PCDH15: variants seen among roughly 807,000 people sequenced by gnomAD.
The protein encoded by PCDH15 is protocadherin related 15.
In PCDH15, 129 loss-of-function variants were observed where a neutral mutation model predicts 178.5. That is an observed-to-expected ratio of 0.72 (90% CI 0.63 to 0.84). The LOEUF (loss-of-function observed/expected upper bound fraction) is 0.84, where lower values mean the gene tolerates loss of function less well. Among genes scored for constraint, PCDH15 ranks in the 40% least tolerant of loss-of-function variants. PCDH15 has a pLI of 0.00. For synonymous variants in PCDH15, 800 were observed against 732.0 expected (o/e 1.09, Z -1.50); for missense variants, 2,230 against 2,099.9 (o/e 1.06, Z -1.21).
At chr10:55,577,171 G>T (rs960882249) in intron 2 of PCDH15, among the ~76,000 whole-genome samples, 9 of 152,122 alleles carry the variant, frequency 5.9e-5, no homozygotes, top group African/African-American at 2.2e-4. Flanking sequence ...GAACCCAGGG[G>T]TGCAGAGGTT....
chr10:54,973,451 G>A (rs1483152493), intron 2 of PCDH15, among the ~76,000 whole-genome samples: 1 of 152,160 alleles, frequency 6.6e-6, no homozygotes, highest in African/African-American at 2.4e-5. Flanking sequence ...GCTTGTTGCA[G>A]AAGCAACACT....
chr10:54,540,889 C>A (rs988765088), intron 2 of PCDH15, among the ~76,000 whole-genome samples: 3 of 152,036 alleles, frequency 2.0e-5, no homozygotes, highest in African/African-American at 7.2e-5. Flanking sequence ...ATCACATAAA[C>A]AAAATTAAAA....
chr10:54,910,900 G>T (rs1439204853), intron 2 of PCDH15, among the ~76,000 whole-genome samples: 2 of 152,190 alleles, frequency 1.3e-5, no homozygotes, highest in African/African-American at 4.8e-5. Flanking sequence ...AGACTTCACA[G>T]TGCAGAGGCA....
rs1437411534 is a variant in PCDH15 at position 53,805,372 on chromosome 10, AC to A, written c.*1206del. 3 of 152,054 alleles carry A rather than the reference AC, an allele frequency of 2.0e-5. No individual in the cohort carries two copies. Among genetic ancestry groups the A allele is most frequent in the Admixed American group, 6.6e-5 (1 of 15,224 alleles). 9.4% of individuals were successfully genotyped at this position (152,054 alleles called of 1,614,324 possible). A position where few individuals can be genotyped will look rare whatever the true frequency, so the allele number is the denominator to read the frequency against. On this transcript the variant is annotated 3_prime_UTR_variant, in exon 38 of 38. Coordinates refer to ENST00000644397, the MANE Select transcript of PCDH15 (RefSeq NM_001384140.1). ...ACATCATCTGGAAAATAAGCAACAC[AC>A]AAGGCAAGTTTTTTAAAGGATATTC...
At chr10:55,425,407 A>T (rs1052222930) in intron 2 of PCDH15, among the ~76,000 whole-genome samples, 3 of 152,084 alleles carry the variant, frequency 2.0e-5, no homozygotes, top group African/African-American at 7.2e-5. Flanking sequence ...AAAAAAATGC[A>T]AAAGTGTTGA....
At chr10:55,003,911 T>C (rs373438464) in intron 2 of PCDH15, among the ~76,000 whole-genome samples, 1 of 152,260 alleles carries the variant, frequency 6.6e-6, no homozygotes, top group African/African-American at 2.4e-5. Flanking sequence ...AAAAAGGGGT[T>C]CACTGAATAC....
intron 3 of PCDH15, among the ~76,000 whole-genome samples, chr10:54,432,257 C>A (rs1231223591): frequency 1.3e-5 from 2 of 149,024 alleles, no homozygotes; most frequent in Admixed American, 1.4e-4. Context: ...CCCAGAAGAA[C>A]CAAAGCTATC....
chr10:54,105,082 A>G (rs1383193618), intron 15 of PCDH15, among the ~76,000 whole-genome samples: 2 of 151,114 alleles, frequency 1.3e-5, no homozygotes, highest in African/African-American at 4.8e-5. Context: ...TATTAGAAGT[A>G]AAGTACTTAG....
intron 13 of PCDH15, among the ~76,000 whole-genome samples, chr10:54,177,877 T>A (rs1219443644): frequency 2.0e-5 from 3 of 152,164 alleles, no homozygotes; most frequent in African/African-American, 7.2e-5. Context: ...CAATTTGAAG[T>A]GCTTGTAAAA....
chr10:55,516,490 C>A (rs963827835), intron 2 of PCDH15, among the ~76,000 whole-genome samples: 7 of 152,186 alleles, frequency 4.6e-5, no homozygotes, highest in African/African-American at 1.7e-4. Flanking sequence ...AAAATAATTT[C>A]AAGGAGGAAC....
rs66513139 is a variant in PCDH15, at chr10:53,897,959, C to CTTTTTTTTTTTTT, written c.3501+5271_3501+5283dup. ...TGAACATATGTGTTGTTTCTTTTCC[C>CTTTTTTTTTTTTT]TTTTTTTTTTTTTTTTTTTTTTTTT... On this transcript the variant is annotated intron_variant, in intron 26 of 37. Coordinates refer to ENST00000644397, the MANE Select transcript of PCDH15 (RefSeq NM_001384140.1). 6.4e-4 allele frequency among the ~76,000 whole-genome samples: 53 copies of CTTTTTTTTTTTTT among 82,402 alleles called. 5 individuals carry two copies. Among genetic ancestry groups the CTTTTTTTTTTTTT allele is most frequent in the African/African-American group, 2.4e-3 (45 of 18,408 alleles). The allele number at this position is 82,402 out of a possible 152,430, so 54.1% of individuals were successfully genotyped here.
intron 1 of PCDH15, among the ~76,000 whole-genome samples, chr10:54,670,609 A>T (rs2094646112): frequency 6.6e-6 from 1 of 152,182 alleles, no homozygotes; most frequent in South Asian, 2.1e-4. Context: ...TAATAGATAC[A>T]TGCCAAATGT....
At chr10:54,997,361 A>G (rs921455249) in intron 2 of PCDH15, among the ~76,000 whole-genome samples, 3 of 152,206 alleles carry the variant, frequency 2.0e-5, no homozygotes, top group Admixed American at 1.3e-4. Flanking sequence ...TAAATAAAAG[A>G]GTACTAATAA....
intron 2 of PCDH15, among the ~76,000 whole-genome samples, chr10:54,979,700 T>C (rs540626936): frequency 2.7e-4 from 41 of 151,824 alleles, no homozygotes; most frequent in African/African-American, 9.9e-4. Flanking sequence ...GAATTTTATT[T>C]TTATCAACAG....
chr10:53,837,724 G>A (rs1040812057), intron 29 of PCDH15, among the ~76,000 whole-genome samples: 3 of 151,394 alleles, frequency 2.0e-5, no homozygotes, highest in African/African-American at 7.3e-5. Flanking sequence ...ACCAATACTT[G>A]GGCACTGGCA....
At chr10:54,943,243 T>G (rs1838107045) in intron 2 of PCDH15, among the ~76,000 whole-genome samples, 1 of 151,996 alleles carries the variant, frequency 6.6e-6, no homozygotes, top group African/African-American at 2.4e-5. Context: ...AAGCCACTCA[T>G]ATTCCTTGTC....
chr10:54,344,049 G>A (rs1942781149), intron 6 of PCDH15, among the ~76,000 whole-genome samples: 1 of 152,074 alleles, frequency 6.6e-6, no homozygotes, highest in South Asian at 2.1e-4. Context: ...AATTTATCAT[G>A]TATTTTCTCA....
intron 3 of PCDH15, among the ~76,000 whole-genome samples, chr10:54,454,063 C>A (rs2076654310): frequency 6.7e-6 from 1 of 150,370 alleles, no homozygotes; most frequent in South Asian, 2.1e-4. Flanking sequence ...TTAAATATAA[C>A]AGATTTATAG....
intron 2 of PCDH15, among the ~76,000 whole-genome samples, chr10:55,103,031 G>A (rs1261688743): frequency 3.9e-5 from 6 of 151,972 alleles, no homozygotes; most frequent in Non-Finnish European, 1.5e-5. Flanking sequence ...AAGAGGTGGA[G>A]GATGTGGAAG....
Sources: allele counts gnomAD v4.1 joint callset (sites outside exome capture counted in the v4.1 genomes callset), GRCh38; gene constraint gnomAD v4.1.1; transcripts MANE v1.5; gene names NCBI Gene and HGNC (gene_info 2026-07-23, HGNC 2026-07-21).